Variants in CYP4F11 observed in about 807,000 individuals in gnomAD.
CYP4F11 encodes the protein cytochrome P450 4F11.
A neutral mutation model predicts 62.2 loss-of-function variants in CYP4F11; 79 were observed. The observed-to-expected ratio is 1.27, with a 90% CI of 1.06 to 1.53. The LOEUF (loss-of-function observed/expected upper bound fraction) is 1.53. Ranked by LOEUF, CYP4F11 falls within the 40% of genes most tolerant of loss-of-function variation. The pLI is 0.00. For missense variants in CYP4F11, 777 were observed against 680.5 expected, an observed-to-expected ratio of 1.14 and a Z score of -1.58; for synonymous variants, 290 against 263.7, an observed-to-expected ratio of 1.10 and a Z score of -0.97.
Position 15,927,225 on chromosome 19 carries a change from ACACT to A in CYP4F11, c.508_511del (p.Ser170Ter). The A allele has an allele frequency of 1.9e-6, 3 of 1,614,050 alleles. No individual in the cohort carries two copies. The highest frequency in any genetic ancestry group is 2.5e-6 in the Non-Finnish European group (3 of 1,179,962). ...CAAGGGACTCACGTGCATGATGTTC[ACACT>A]CTTGTTGAAAATCTTCATATAAGGC... On this transcript the variant is annotated frameshift_variant, in exon 4 of 12. Transcript: ENST00000402119. LOFTEE classifies it high-confidence loss of function.
intron 8 of CYP4F11, 44 bp downstream of exon 8, chr19:15,921,993 A>T: frequency 6.5e-7 from 1 of 1,531,140 alleles, no homozygotes; most frequent in South Asian, 1.3e-5. Context: ...TGAGGAGCAG[A>T]ACCAATGACA....
intron 11 of CYP4F11, 108 bp downstream of exon 11, chr19:15,914,197 G>A (rs954538662): frequency 3.6e-6 from 5 of 1,385,474 alleles, no homozygotes; most frequent in Middle Eastern, 2.4e-4. Flanking sequence ...ATGAACTCCT[G>A]AGGAAGGGAG....
intron 1 of CYP4F11, among the ~76,000 whole-genome samples, chr19:15,930,151 C>T (rs2089700539): frequency 6.6e-6 from 1 of 152,098 alleles, no homozygotes; most frequent in Non-Finnish European, 1.5e-5. Flanking sequence ...GAGTAATGCA[C>T]CTCCCCACCA....
At position 15,912,777 on chromosome 19, in the gene CYP4F11, A is replaced by ATGTATATGTGTGTGTGTGTGTGTG. The variant is rs1294572282; in HGVS notation, c.*954_*955insCACACACACACACACACATATACA. 2.6e-5 allele frequency: 1 copy of ATGTATATGTGTGTGTGTGTGTGTG among 38,646 alleles called. No individual in the cohort carries two copies. Among genetic ancestry groups the ATGTATATGTGTGTGTGTGTGTGTG allele is most frequent in the Non-Finnish European group, 5.6e-5 (1 of 17,962 alleles). 2.4% of individuals were successfully genotyped at this position (38,646 alleles called of 1,614,324 possible). A position where few individuals can be genotyped will look rare whatever the true frequency, so the allele number is the denominator to read the frequency against. On this transcript the variant is annotated 3_prime_UTR_variant, in exon 12 of 12. Transcript: ENST00000402119. The stretch of plus-strand genomic sequence containing the variant: ...TGTGTGTGTGTGTGTGTGTGTATAT[A>ATGTATATGTGTGTGTGTGTGTGTG]TATATATATATAATATATATATATA...
chr19:15,915,922 GATA>G (rs1468345151), intron 8 of CYP4F11, among the ~76,000 whole-genome samples: 5 of 151,690 alleles, frequency 3.3e-5, no homozygotes, highest in Admixed American at 2.6e-4. Flanking sequence ...TAATAATAAT[GATA>G]ATAATATAAA....
rs1208497060 is a variant in CYP4F11 at position 15,934,216 on chromosome 19, C to T, written c.193G>A (p.Gly65Ser). The T allele has an allele frequency of 1.9e-6, 3 of 1,613,484 alleles. No homozygotes were observed. The highest frequency in any genetic ancestry group is 2.5e-6 in the Non-Finnish European group (3 of 1,179,670). The change falls in exon 1 of 12, where the codon GGC becomes AGC. Residue 65 changes from glycine (G) to serine (S), a missense_variant. Gly to Ser is a moderately conservative substitution (Grantham distance 56, BLOSUM62 0). Coordinates refer to ENST00000402119, the MANE Select transcript of CYP4F11 (RefSeq NM_021187.4). The part of the protein sequence containing the change: ...PKQNWFWGHQ[G>S]LVTPTEEGMK... ...CGTCCTGCTGACAAACTCACCAGGCCCTGGTGTCCCCAAAACCAGTTCTGT... is the reference window on the plus strand; with the variant it reads ...CGTCCTGCTGACAAACTCACCAGGCTCTGGTGTCCCCAAAACCAGTTCTGT...
intron 4 of CYP4F11, among the ~76,000 whole-genome samples, chr19:15,926,845 C>G (rs527440726): frequency 6.0e-4 from 32 of 53,746 alleles, no homozygotes; most frequent in Non-Finnish European, 3.0e-4. Flanking sequence ...TGCAGAAGAA[C>G]CAGCCAACTG....
At chr19:15,914,247 CT>C (rs2089562795) in intron 11 of CYP4F11, 57 bp downstream of exon 11, 3 of 1,565,634 alleles carry the variant, frequency 1.9e-6, no homozygotes, top group Admixed American at 3.7e-5. Context: ...TAACTTCCCC[CT>C]TTTTGGACCC....
At chr19:15,931,549 GGAAT>G (rs1182798376) in intron 1 of CYP4F11, among the ~76,000 whole-genome samples, 1 of 100,176 alleles carries the variant, frequency 1.0e-5, no homozygotes, top group Non-Finnish European at 2.3e-5. Flanking sequence ...AGCGGGGAGA[GGAAT>G]GAGTGAGCGA....
chr19:15,929,428 C>A lies in CYP4F11; in HGVS notation c.343+29G>T. 2 of 1,613,746 alleles carry A rather than the reference C, an allele frequency of 1.2e-6. 1 individual carries two copies. The highest frequency in any genetic ancestry group is 1.7e-6 in the Non-Finnish European group (2 of 1,179,962). ...TAGAAGGCCTTTGATGTTTCCCAGC[C>A]CCCACTACCACAAGCTCTGCACGGG... On this transcript the variant is annotated intron_variant, in intron 2 of 11. Coordinates refer to ENST00000402119, the MANE Select transcript of CYP4F11 (RefSeq NM_021187.4).
chr19:15,914,714 G>A (rs1256800617), intron 9 of CYP4F11, 48 bp from the exon 10 acceptor site: 1 of 1,613,786 alleles, frequency 6.2e-7, no homozygotes, highest in Non-Finnish European at 8.5e-7. Flanking sequence ...CTGCCTGAGG[G>A]ACCCCTCTTG....
At chr19:15,924,108 CAT>C in intron 5 of CYP4F11, 26 bp from the exon 6 acceptor site, 1 of 1,605,242 alleles carries the variant, frequency 6.2e-7, no homozygotes, top group South Asian at 1.1e-5. Context: ...AACAACTTAA[CAT>C]ATGCAAAGTC....
In CYP4F11 at chr19:15,923,879, T is replaced by C. The variant is rs2089648491; in HGVS notation, c.851A>G (p.Asp284Gly). The change falls in exon 6 of 12, where the codon GAT becomes GGT. Residue 284 changes from aspartate (D) to glycine (G), a missense_variant. By Grantham distance (94) the Asp-to-Gly change is moderately conservative. Transcript: ENST00000402119. Reference sequence around the variant, plus strand: ...CTTTGCCTTGTTCTTGAGGAAATCATCAATACCCTGAGTGGGGAGGGTGCA... The same window carrying C: ...CTTTGCCTTGTTCTTGAGGAAATCACCAATACCCTGAGTGGGGAGGGTGCA... ...RRCTLPTQGIDDFLKNKAKSK... is the reference protein window; with the variant it reads ...RRCTLPTQGIGDFLKNKAKSK... 6.2e-7 allele frequency: 1 copy of C among 1,614,170 alleles called. No homozygotes were observed. The highest frequency in any genetic ancestry group is 8.5e-7 in the Non-Finnish European group (1 of 1,180,028).
Position 15,924,887 on chromosome 19 carries a change from C to A in CYP4F11, c.526-5G>T. The A allele has an allele frequency of 6.2e-7, 1 of 1,606,336 alleles. No individual in the cohort carries two copies. The highest frequency in any genetic ancestry group is 1.3e-5 in the African/African-American group (1 of 74,630). On this transcript the variant is annotated splice_polypyrimidine_tract_variant and splice_region_variant and intron_variant, in intron 4 of 11. Coordinates refer to ENST00000402119, the MANE Select transcript of CYP4F11 (RefSeq NM_021187.4). ...GGCCAGGCGCTGCCACTTGTCCTGG[C>A]CAGAGAAAAAACAGAGCCAAAGCTG...
intron 10 of CYP4F11, 100 bp from the exon 11 acceptor site, chr19:15,914,487 C>A: frequency 6.5e-7 from 1 of 1,545,090 alleles, no homozygotes; most frequent in Non-Finnish European, 8.9e-7. Context: ...GACATTTTGG[C>A]AGATGTGTCT....
intron 1 of CYP4F11, among the ~76,000 whole-genome samples, 199 bp downstream of exon 1, chr19:15,934,005 CAGAGGAA>C: frequency 2.6e-5 from 1 of 37,982 alleles, no homozygotes; most frequent in South Asian, 1.1e-3. Context: ...AGTGAGTGGG[CAGAGGAA>C]TGAGTGAGTG....
chr19:15,924,780 A>G lies in CYP4F11; in HGVS notation c.628T>C (p.Phe210Leu). 29 of 1,612,204 alleles carry G rather than the reference A, an allele frequency of 1.8e-5. No individual in the cohort carries two copies. The highest frequency in any genetic ancestry group is 2.5e-5 in the Non-Finnish European group (29 of 1,178,782). ...ACTCACTCCTGACAATTGCTTTCAAAGCTGAAGACACATTTCTGCAGACTG... is the reference window on the plus strand; with the variant it reads ...ACTCACTCCTGACAATTGCTTTCAAGGCTGAAGACACATTTCTGCAGACTG... ...LDSLQKCVFSFESNCQEKPSE... is the reference protein window; with the variant it reads ...LDSLQKCVFSLESNCQEKPSE... Residue 210 changes from phenylalanine (F) to leucine (L), a missense_variant, in exon 5 of 12, where the codon TTT (phenylalanine) becomes CTT (leucine). Physicochemically the swap from Phe to Leu is conservative, Grantham distance 22. Coordinates refer to ENST00000402119, the MANE Select transcript of CYP4F11 (RefSeq NM_021187.4).
In CYP4F11 at chr19:15,929,157, G is replaced by A. The variant is rs555969633; in HGVS notation, c.343+300C>T. On this transcript the variant is annotated intron_variant, in intron 2 of 11. Transcript: ENST00000402119. ...TTCCTGACTCCACGAAGTTTGAGAT[G>A]TCTCTGTCCAGATCCATTTCCTCAA... Among the ~76,000 whole-genome samples the A allele has an allele frequency of 6.0e-4, 91 of 152,326 alleles. No individual in the cohort carries two copies. In the South Asian group the frequency reaches 0.016, roughly 27 times the overall value.
At position 15,912,680 on chromosome 19, in the gene CYP4F11, A is replaced by AAATATATATAT. The variant is rs59091525; in HGVS notation, c.*1051_*1052insATATATATATT. ...TCACCATCCTCAGGAAAAAAAAAAA[A>AAATATATATAT]ATATATATATATATATATGTGTGTG... On this transcript the variant is annotated 3_prime_UTR_variant, in exon 12 of 12. Transcript: ENST00000402119. 1 of 66,174 alleles carries AAATATATATAT rather than the reference A, an allele frequency of 1.5e-5. No individual in the cohort carries two copies. The highest frequency in any genetic ancestry group is 2.8e-5 in the Non-Finnish European group (1 of 36,174). The allele number at this position is 66,174 out of a possible 1,614,324, so 4.1% of individuals were successfully genotyped here.
Sources: gnomAD v4.1 joint callset for allele counts (sites outside exome capture counted in the v4.1 genomes callset) on GRCh38, gnomAD v4.1.1 for gene constraint, MANE v1.5 for transcripts, NCBI Gene and HGNC (gene_info 2026-07-23, HGNC 2026-07-21) for gene names.